LHX9: variants seen among roughly 807,000 people sequenced by gnomAD.
LHX9 encodes the protein LIM homeobox 9, also known as LIM/homeobox protein Lhx9.
LHX9 carries 9 observed loss-of-function variants against 36.5 expected under a neutral mutation model. The ratio of observed to expected loss-of-function variants is 0.25; its 90% confidence interval spans 0.15 to 0.43. LHX9 has a LOEUF of 0.43. Ranked by LOEUF, LHX9 falls within the 20% of genes least tolerant of loss-of-function variation. The pLI is 1.00. For missense variants in LHX9, 464 were observed against 526.4 expected, an observed-to-expected ratio of 0.88 and a Z score of 1.16; for synonymous variants, 211 against 212.1, an observed-to-expected ratio of 0.99 and a Z score of 0.04.
intron 1 of LHX9, among the ~76,000 whole-genome samples, chr1:197,919,023 C>A (rs1007397530): frequency 6.6e-6 from 1 of 152,332 alleles, no homozygotes; most frequent in African/African-American, 2.4e-5. Flanking sequence ...AAGGGCTAAA[C>A]TTTACTTTTT....
chr1:197,917,935 G>C lies in LHX9; in HGVS notation c.112G>C (p.Glu38Gln). ...GHIQGIMEEM[E>Q]RRSKTEARLA... ...CATCCAAGGCATCATGGAGGAGATG[G>C]AGCGCAGATCCAAGACTGAGGCCCG... Residue 38 changes from glutamate to glutamine, a missense_variant, in exon 1 of 5, where the codon GAG (glutamate) becomes CAG (glutamine). Glu to Gln is a conservative substitution (Grantham distance 29, BLOSUM62 2). Around this residue, in one of 5 missense-constraint regions of LHX9, gnomAD observed 119 missense variants for 102.4 expected, o/e 1.16. Transcript: ENST00000367387. The C allele has an allele frequency of 6.2e-7, 1 of 1,614,198 alleles. No individual in the cohort carries two copies. The highest frequency in any genetic ancestry group is 8.5e-7 in the Non-Finnish European group (1 of 1,180,022).
intron 1 of LHX9, among the ~76,000 whole-genome samples, chr1:197,919,670 C>A (rs1659904680): frequency 6.6e-6 from 1 of 152,230 alleles, no homozygotes; most frequent in South Asian, 2.1e-4. Context: ...CGGAAACGAT[C>A]ACCAAACTGT....
At chr1:197,918,107 C>G in intron 1 of LHX9, 110 bp downstream of exon 1, 1 of 1,216,214 alleles carries the variant, frequency 8.2e-7, no homozygotes, top group Non-Finnish European at 1.1e-6. Flanking sequence ...TAGAGACGTC[C>G]GCTTGAGGGT....
chr1:197,934,645 T>C lies in LHX9; in HGVS notation c.*5386T>C, dbSNP rs1472727303. On this transcript the variant is annotated 3_prime_UTR_variant, in exon 5 of 5. Coordinates refer to ENST00000367387, the MANE Select transcript of LHX9 (RefSeq NM_020204.3). ...TGAATTTTCTTTGAAAGCATATATATAGATAAACTCTGGATTGGTCTTTTA... is the reference window on the plus strand; with the variant it reads ...TGAATTTTCTTTGAAAGCATATATACAGATAAACTCTGGATTGGTCTTTTA... 1 of 152,274 alleles carries C rather than the reference T, an allele frequency of 6.6e-6. No individual in the cohort carries two copies. Among genetic ancestry groups the C allele is most frequent in the East Asian group, 1.9e-4 (1 of 5,182 alleles). 9.4% of individuals were successfully genotyped at this position (152,274 alleles called of 1,614,324 possible). A position where few individuals can be genotyped will look rare whatever the true frequency, so the allele number is the denominator to read the frequency against.
intron 1 of LHX9, 54 bp downstream of exon 1, chr1:197,918,051 A>AACC: frequency 6.4e-7 from 1 of 1,567,566 alleles, no homozygotes. Flanking sequence ...CCCTCTGTTA[A>AACC]ACCAAGCCGA....
chr1:197,928,295 T>C (rs926375844), intron 4 of LHX9, among the ~76,000 whole-genome samples: 43 of 152,186 alleles, frequency 2.8e-4, no homozygotes, highest in African/African-American at 9.7e-4. Flanking sequence ...TTTCCTGCCT[T>C]AACAAACCAT....
At chr1:197,918,081 C>A in intron 1 of LHX9, 84 bp downstream of exon 1, 1 of 1,485,250 alleles carries the variant, frequency 6.7e-7, no homozygotes. Flanking sequence ...CGGTGGAGAA[C>A]CGGAGCGGCG....
At chr1:197,912,740 C>T, upstream of LHX9, 2 of 699,318 alleles carry the variant, frequency 2.9e-6, no homozygotes, top group Non-Finnish European at 5.2e-6. Context: ...TTCAGAGTCT[C>T]CTGATAGGAC....
intron 1 of LHX9, chr1:197,918,798 G>GC (rs1553229071): frequency 1.8e-4 from 8 of 44,264 alleles, no homozygotes; most frequent in South Asian, 1.2e-3. Flanking sequence ...ATTACTAACG[G>GC]GGGGGGGGGG....
chr1:197,912,845 A>C, upstream of LHX9: 1 of 489,234 alleles, frequency 2.0e-6, no homozygotes, highest in Non-Finnish European at 3.7e-6. Flanking sequence ...GGTTCCACTG[A>C]TCCTCCAGTA....
Position 197,921,507 on chromosome 1 carries a change from A to C in LHX9, c.581A>C (p.Glu194Ala), listed in dbSNP as rs772203731. 6.2e-6 allele frequency: 10 copies of C among 1,614,074 alleles called. No individual in the cohort carries two copies. In the Admixed American group the frequency reaches 1.3e-4, roughly 22 times the overall value. ...CACTTCGAGACCCTCTTGCAAGGAG[A>C]GTATCCACCGCAGCTGAGCTACACG... ...RAHFETLLQGEYPPQLSYTEL... is the reference protein window; with the variant it reads ...RAHFETLLQGAYPPQLSYTEL... The change falls in exon 3 of 5, where the codon GAG becomes GCG. Residue 194 changes from glutamate to alanine, a missense_variant. By Grantham distance (107) the Glu-to-Ala change is moderately radical. Transcript: ENST00000367387. The surrounding 1 kb of genome is among the most constrained non-coding windows in gnomAD (Gnocchi z 4.6).
intron 3 of LHX9, among the ~76,000 whole-genome samples, chr1:197,927,112 C>T (rs1660166086): frequency 6.6e-6 from 1 of 152,172 alleles, no homozygotes; most frequent in African/African-American, 2.4e-5. Flanking sequence ...AGTAGTAATA[C>T]TTGTTTCTCT....
rs13376365 is a variant in LHX9, at chr1:197,921,672, T to C, written c.733+13T>C. The C allele has an allele frequency of 0.23, 350,719 of 1,551,992 alleles. 41,139 individuals carry two copies. Among genetic ancestry groups the C allele is most frequent in the South Asian group, 0.34 (28,587 of 84,534 alleles). ...AATTACAACTCAGGTGTGCCTCCTA[T>C]CCTCACCCCCGGCGCAGCCCCGGCC... On this transcript the variant is annotated intron_variant, in intron 3 of 4. Coordinates refer to ENST00000367387, the MANE Select transcript of LHX9 (RefSeq NM_020204.3). This position sits in a 1 kb window ranked among gnomAD's most constrained non-coding sequence, Gnocchi z 4.6.
In LHX9 at chr1:197,933,729, A is replaced by AT. The variant is rs1319239789; in HGVS notation, c.*4476dup. ...AAAAATACAAATTTGAAACAGGCAC[A>AT]TTTTTTAAAACCAAAAAAAAAAAAA... On this transcript the variant is annotated 3_prime_UTR_variant, in exon 5 of 5. Coordinates refer to ENST00000367387, the MANE Select transcript of LHX9 (RefSeq NM_020204.3). 2.3e-5 allele frequency: 3 copies of AT among 131,164 alleles called. No homozygotes were observed. Among genetic ancestry groups the AT allele is most frequent in the Non-Finnish European group, 4.7e-5 (3 of 63,712 alleles). 8.1% of individuals were successfully genotyped at this position (131,164 alleles called of 1,614,324 possible).
At chr1:197,912,491 C>A (rs762098353), upstream of LHX9, 4 of 1,612,482 alleles carry the variant, frequency 2.5e-6, no homozygotes, top group South Asian at 4.4e-5. Flanking sequence ...TCTGCCAGTG[C>A]AACCACCATT....
At chr1:197,913,311 A>T (rs1659668695), upstream of LHX9, 1 of 152,294 alleles carries the variant, frequency 6.6e-6, no homozygotes, top group South Asian at 2.1e-4. Context: ...GCCGGGAAGT[A>T]CCGCCCAGCG....
In LHX9 at chr1:197,929,261, A is replaced by G. The variant is rs1405330511; in HGVS notation, c.*2A>G. ...ACTACCTTAACAAACCTTTTCTAAC[A>G]TTGGTTTTTTTTTTTTAGTTTTTAA... On this transcript the variant is annotated 3_prime_UTR_variant, in exon 5 of 5. Transcript: ENST00000367387. 1.5e-6 allele frequency: 2 copies of G among 1,365,484 alleles called. No individual in the cohort carries two copies. The highest frequency in any genetic ancestry group is 1.9e-6 in the Non-Finnish European group (2 of 1,050,846). The allele number at this position is 1,365,484 out of a possible 1,614,324, so 84.6% of individuals were successfully genotyped here.
rs751739406 is a variant in LHX9 at position 197,920,045 on chromosome 1, A to C, written c.248A>C (p.Tyr83Ser). ...GCGGKISDRY[Y>S]LLAVDKQWHL... ...GGGGGCAAGATCTCGGACAGGTACT[A>C]TCTGCTGGCTGTGGACAAACAGTGG... The change falls in exon 2 of 5, where the codon TAT becomes TCT. Residue 83 changes from tyrosine (Y) to serine (S), a missense_variant. This residue lies in a region of LHX9 where 93 missense variants were observed against 150.3 expected (regional missense o/e 0.62). Transcript: ENST00000367387. The C allele has an allele frequency of 6.2e-7, 1 of 1,614,266 alleles. No homozygotes were observed. The highest frequency in any genetic ancestry group is 8.5e-7 in the Non-Finnish European group (1 of 1,180,046).
Position 197,929,920 on chromosome 1 carries a change from C to CT in LHX9, c.*662dup. 1.0e-6 allele frequency: 1 copy of CT among 978,414 alleles called. No individual in the cohort carries two copies. Among genetic ancestry groups the CT allele is most frequent in the South Asian group, 4.7e-5 (1 of 21,178 alleles). The allele number at this position is 978,414 out of a possible 1,614,324, so 60.6% of individuals were successfully genotyped here. A position where few individuals can be genotyped will look rare whatever the true frequency, so the allele number is the denominator to read the frequency against. ...TTCCTTCTCTTAGGGGTGTACAACT[C>CT]TAAAAACTTTTTACTTGGTTATTTG... On this transcript the variant is annotated 3_prime_UTR_variant, in exon 5 of 5. Coordinates refer to ENST00000367387, the MANE Select transcript of LHX9 (RefSeq NM_020204.3).
Sources: gnomAD v4.1 joint callset for allele counts (sites outside exome capture counted in the v4.1 genomes callset) on GRCh38, gnomAD v4.1.1 for gene constraint, gnomAD v4.1.1 regional missense constraint, Gnocchi (gnomAD v3.1) non-coding constraint, MANE v1.5 for transcripts, NCBI Gene and HGNC (gene_info 2026-07-23, HGNC 2026-07-21) for gene names.